Variants in STARD6 observed in about 807,000 individuals in gnomAD.
STARD6 encodes stAR-related lipid transfer protein 6.
Under a neutral mutation model 22.3 loss-of-function variants are expected in STARD6, and 21 were observed. That is an observed-to-expected ratio of 0.94 (90% CI 0.67 to 1.35). The LOEUF (loss-of-function observed/expected upper bound fraction) is 1.35. Ranked by LOEUF, STARD6 falls within the 40% of genes most tolerant of loss-of-function variation. STARD6 has a pLI of 0.00. For synonymous variants in STARD6, 80 were observed against 88.1 expected (o/e 0.91, Z 0.52); for missense variants, 269 against 266.9 (o/e 1.01, Z -0.05).
intron 4 of STARD6, 78 bp downstream of exon 4, chr18:54,353,976 T>C: frequency 1.2e-6 from 1 of 807,290 alleles, no homozygotes; most frequent in South Asian, 1.9e-5. Context: ...TTATAGCTAA[T>C]GAAGCAGCAC....
chr18:54,340,674 T>C (rs990393973), intron 4 of STARD6, among the ~76,000 whole-genome samples: 4 of 152,064 alleles, frequency 2.6e-5, no homozygotes, highest in Non-Finnish European at 5.9e-5. Flanking sequence ...AATCAGAAGG[T>C]AGAGATTGTC....
At chr18:54,345,783 A>G (rs748632038) in intron 4 of STARD6, among the ~76,000 whole-genome samples, 31 of 152,194 alleles carry the variant, frequency 2.0e-4, no homozygotes, top group Non-Finnish European at 4.1e-4. Flanking sequence ...CTCCTAATGT[A>G]TATGGTCAAT....
chr18:54,330,268 A>G (rs1568166463), intron 6 of STARD6, among the ~76,000 whole-genome samples: 1 of 152,012 alleles, frequency 6.6e-6, no homozygotes, highest in Non-Finnish European at 1.5e-5. Flanking sequence ...TTTATGACTT[A>G]TATCATTATC....
At chr18:54,354,667 A>G (rs2089128172) in intron 2 of STARD6, 90 bp from the exon 3 acceptor site, 2 of 846,704 alleles carry the variant, frequency 2.4e-6, no homozygotes, top group East Asian at 2.7e-5. Context: ...TATTTCTATA[A>G]TGCCTGTCAC....
intron 2 of STARD6, among the ~76,000 whole-genome samples, chr18:54,355,161 A>C (rs2089132894): frequency 1.3e-5 from 2 of 151,972 alleles, no homozygotes; most frequent in Non-Finnish European, 2.9e-5. Context: ...AGCTCCAATC[A>C]TTTGATCTCC....
chr18:54,343,311 C>T (rs2088995760), intron 4 of STARD6, among the ~76,000 whole-genome samples: 1 of 134,416 alleles, frequency 7.4e-6, no homozygotes, highest in African/African-American at 2.8e-5. Context: ...CCAGCAGCCA[C>T]CCCATCTGGG....
intron 4 of STARD6, among the ~76,000 whole-genome samples, chr18:54,352,891 T>G (rs961229681): frequency 6.6e-6 from 1 of 152,216 alleles, no homozygotes; most frequent in African/African-American, 2.4e-5. Flanking sequence ...TCTACACTGG[T>G]CTGATCTGTA....
chr18:54,331,878 T>A lies in STARD6; in HGVS notation c.268-19A>T. 6.6e-7 allele frequency: 1 copy of A among 1,512,092 alleles called. No homozygotes were observed. Among genetic ancestry groups the A allele is most frequent in the Non-Finnish European group, 9.1e-7 (1 of 1,093,312 alleles). 93.7% of individuals were successfully genotyped at this position (1,512,092 alleles called of 1,614,324 possible). ...ATGTGTCCTGCAACAAATCAAACCG[T>A]AAAGATAACAAACGTTACTTAATAT... On this transcript the variant is annotated intron_variant, in intron 5 of 7. Coordinates refer to ENST00000307844, the MANE Select transcript of STARD6 (RefSeq NM_139171.2).
At position 54,331,736 on chromosome 18, in the gene STARD6, A is replaced by G. The variant is rs1197786123; in HGVS notation, c.385+6T>C. 3.1e-6 allele frequency: 5 copies of G among 1,595,904 alleles called. No individual in the cohort carries two copies. The highest frequency in any genetic ancestry group is 4.3e-6 in the Non-Finnish European group (5 of 1,166,260). On this transcript the variant is annotated splice_donor_region_variant and intron_variant, in intron 6 of 7. Transcript: ENST00000307844. ...TCCAAGATATGGGCAAAATGTTTCA[A>G]CTTACAACTGATAATGTTCATATTT...
At chr18:54,348,777 G>A (rs1055617232) in intron 4 of STARD6, among the ~76,000 whole-genome samples, 4 of 152,074 alleles carry the variant, frequency 2.6e-5, no homozygotes, top group South Asian at 2.1e-4. Context: ...AGAAAGGAAC[G>A]AAATTCCAAC....
intron 1 of STARD6, among the ~76,000 whole-genome samples, chr18:54,356,727 C>T (rs188967488): frequency 3.3e-5 from 5 of 152,294 alleles, no homozygotes; most frequent in Admixed American, 6.5e-5. Context: ...TTTAAGCTTA[C>T]GTCACTAACA....
intron 4 of STARD6, among the ~76,000 whole-genome samples, chr18:54,338,363 T>A (rs908331931): frequency 6.6e-6 from 1 of 152,082 alleles, no homozygotes; most frequent in African/African-American, 2.4e-5. Flanking sequence ...CACATACATA[T>A]TTGACAGTAG....
intron 7 of STARD6, among the ~76,000 whole-genome samples, chr18:54,326,326 C>CTTTTTTTTTT (rs11353724): frequency 8.3e-6 from 1 of 120,272 alleles, no homozygotes; most frequent in Non-Finnish European, 1.7e-5. Flanking sequence ...GCTGACAGGT[C>CTTTTTTTTTT]TTTTTTTTTT....
chr18:54,350,723 C>G (rs987471360), intron 4 of STARD6, among the ~76,000 whole-genome samples: 2 of 152,084 alleles, frequency 1.3e-5, no homozygotes, highest in Admixed American at 6.6e-5. Flanking sequence ...ATCCCAGCAC[C>G]ATTTGTTGAA....
At chr18:54,352,202 G>A (rs201095304) in intron 4 of STARD6, among the ~76,000 whole-genome samples, 27 of 149,606 alleles carry the variant, frequency 1.8e-4, no homozygotes, top group East Asian at 1.4e-3. Flanking sequence ...AGAATTTATC[G>A]ATCTCCTCTA....
intron 4 of STARD6, among the ~76,000 whole-genome samples, chr18:54,344,053 A>G (rs1568172073): frequency 2.2e-5 from 1 of 45,786 alleles, no homozygotes; most frequent in Non-Finnish European, 3.6e-5. Flanking sequence ...CTGCCCGGCC[A>G]CCACCCCGTC....
Position 54,327,787 on chromosome 18 carries a change from T to C in STARD6, c.479+1560A>G, listed in dbSNP as rs185298193. Among the ~76,000 whole-genome samples the C allele has an allele frequency of 2.7e-3, 406 of 152,270 alleles. 4 individuals carry two copies. The highest frequency in any genetic ancestry group is 9.5e-3 in the African/African-American group (394 of 41,548). On this transcript the variant is annotated intron_variant, in intron 7 of 7. Coordinates refer to ENST00000307844, the MANE Select transcript of STARD6 (RefSeq NM_139171.2). ...AATAGTGTGAGCGTCCATTTTCTTA[T>C]ACTTTTCTCTATGCAGGGTTTATAC...
chr18:54,325,752 G>A (rs775366172), intron 7 of STARD6, among the ~76,000 whole-genome samples: 1 of 151,988 alleles, frequency 6.6e-6, no homozygotes, highest in Non-Finnish European at 1.5e-5. Flanking sequence ...GTCTCATTAT[G>A]TTGCCAAGGC....
intron 5 of STARD6, among the ~76,000 whole-genome samples, chr18:54,335,511 T>C (rs2144673265): frequency 6.6e-6 from 1 of 152,194 alleles, no homozygotes; most frequent in Admixed American, 6.6e-5. Flanking sequence ...GTTATTTTTA[T>C]CATGGCCTTA....
Sources: gnomAD v4.1 joint callset for allele counts (sites outside exome capture counted in the v4.1 genomes callset) on GRCh38, gnomAD v4.1.1 for gene constraint, MANE v1.5 for transcripts, NCBI Gene and HGNC (gene_info 2026-07-23, HGNC 2026-07-21) for gene names.